The following PIK3AP1 variants were observed in gnomAD, a reference collection of about 807,000 sequenced individuals.
The protein encoded by PIK3AP1 is phosphoinositide-3-kinase adaptor protein 1, also known as phosphoinositide 3-kinase adapter protein 1.
In PIK3AP1, 21 loss-of-function variants were observed where a neutral mutation model predicts 88.1. The observed-to-expected ratio is 0.24, with a 90% CI of 0.17 to 0.34. The LOEUF is 0.34. PIK3AP1 is among the 10% of genes least tolerant of loss of function. PIK3AP1 has a pLI of 1.00. For missense variants in PIK3AP1, 828 were observed against 1,035.7 expected (o/e 0.80, Z 2.75); for synonymous variants, 398 against 400.0 (o/e 1.00, Z 0.06).
At chr10:96,689,971 G>A (rs1844129551) in intron 2 of PIK3AP1, among the ~76,000 whole-genome samples, 1 of 152,124 alleles carries the variant, frequency 6.6e-6, no homozygotes, top group African/African-American at 2.4e-5. Flanking sequence ...GCCATTCCAG[G>A]TGTCAGTGTT....
chr10:96,606,714 G>A (rs58305369), intron 14 of PIK3AP1, among the ~76,000 whole-genome samples: 30,872 of 152,146 alleles, frequency 0.2, 3,435 homozygotes, highest in Admixed American at 0.31. Flanking sequence ...AGCATCTAAC[G>A]CCATGCTACT....
intron 8 of PIK3AP1, among the ~76,000 whole-genome samples, chr10:96,634,391 C>G (rs1221691576): frequency 6.6e-6 from 1 of 152,180 alleles, no homozygotes; most frequent in Non-Finnish European, 1.5e-5. Flanking sequence ...CAGCTGAAAC[C>G]AGGCAATTAA....
intron 2 of PIK3AP1, chr10:96,700,722 G>T: frequency 1.3e-6 from 1 of 761,564 alleles, no homozygotes; most frequent in Non-Finnish European, 1.6e-6. Context: ...CACAATCGTT[G>T]CTTTCAAGAG....
In PIK3AP1 at chr10:96,652,769, G is replaced by T. The variant is rs750811451; in HGVS notation, c.641C>A (p.Pro214His). The change falls in exon 4 of 17, where the codon CCT becomes CAT. Residue 214 changes from proline (P) to histidine (H), a missense_variant. Physicochemically the swap from Pro to His is moderately conservative, Grantham distance 77. Around this residue, in one of 3 missense-constraint regions of PIK3AP1, gnomAD observed 610 missense variants for 760.1 expected, o/e 0.80. Coordinates refer to ENST00000339364, the MANE Select transcript of PIK3AP1 (RefSeq NM_152309.3). ...DRVATEAEFS[P>H]EDSPSVRMEA... ...CATCCTTACAGAGGGAGAATCCTCA[G>T]GAGAAAACTCTGCTTCTGTCGCCAC... 4 of 1,614,154 alleles carry T rather than the reference G, an allele frequency of 2.5e-6. No homozygotes were observed. Among genetic ancestry groups the T allele is most frequent in the Non-Finnish European group, 2.5e-6 (3 of 1,180,010 alleles).
intron 2 of PIK3AP1, among the ~76,000 whole-genome samples, chr10:96,678,162 AG>A (rs1843951075): frequency 6.6e-6 from 1 of 152,124 alleles, no homozygotes. Flanking sequence ...GGCTGGGCAC[AG>A]TGGTTCATGC....
chr10:96,708,107 G>A (rs1844388238), intron 2 of PIK3AP1, among the ~76,000 whole-genome samples: 1 of 152,154 alleles, frequency 6.6e-6, no homozygotes, highest in East Asian at 1.9e-4. Flanking sequence ...TGGCATAGGG[G>A]TGGGTGAGAC....
rs188721693 is a variant in PIK3AP1 at position 96,619,781 on chromosome 10, C to T, written c.1941+571G>A. Among the ~76,000 whole-genome samples the T allele has an allele frequency of 4.6e-5, 7 of 152,314 alleles. No homozygotes were observed. The East Asian group carries it at 1.4e-3, about 29-fold the overall frequency. ...ATCCCAGTCTTCTCCTGAGAGGTGG[C>T]CCCTGGAATGGGCCCGAAGTGGCCG... On this transcript the variant is annotated intron_variant, in intron 12 of 16. Transcript: ENST00000339364.
rs79319701 is a variant in PIK3AP1, at chr10:96,657,469, C to T, written c.431-535G>A. Among the ~76,000 whole-genome samples the T allele has an allele frequency of 4.5e-4, 69 of 152,312 alleles. No homozygotes were observed. In the Middle Eastern group the frequency reaches 0.01, roughly 23 times the overall value. On this transcript the variant is annotated intron_variant, in intron 2 of 16. Transcript: ENST00000339364. ...TTTAGATAAATCTAACCAGGCTCCACAGGCAACACCTGTACCACGGAAAGA... is the reference window on the plus strand; with the variant it reads ...TTTAGATAAATCTAACCAGGCTCCATAGGCAACACCTGTACCACGGAAAGA...
rs1158811189 is a variant in PIK3AP1, at chr10:96,602,469, C to A, written c.2242-71G>T. ...AACCAGCATAGCTGGACAACCGTAA[C>A]TCAAAAGCCCCTTGGTCCTCCTTAG... On this transcript the variant is annotated intron_variant, in intron 15 of 16. Transcript: ENST00000339364. 3.7e-6 allele frequency: 5 copies of A among 1,335,270 alleles called. No homozygotes were observed. The Admixed American group carries it at 6.9e-5, about 18-fold the overall frequency. The allele number at this position is 1,335,270 out of a possible 1,614,324, so 82.7% of individuals were successfully genotyped here. A position where few individuals can be genotyped will look rare whatever the true frequency, so the allele number is the denominator to read the frequency against.
Position 96,626,901 on chromosome 10 carries a change from G to T in PIK3AP1, c.1476C>A (p.Asn492Lys), listed in dbSNP as rs1564960362. The T allele has an allele frequency of 6.2e-7, 1 of 1,613,478 alleles. No individual in the cohort carries two copies. The highest frequency in any genetic ancestry group is 1.1e-5 in the South Asian group (1 of 91,070). ...TCTCCAGATTGGTCATTCCCATGCT[G>T]TTGCCTAGAAACGCAGAGAAAGGTG... Reference protein sequence around the residue: ...DSMIRKFLEGNSMGMTNLERD... With the variant: ...DSMIRKFLEGKSMGMTNLERD... The change falls in exon 10 of 17, where the codon AAC becomes AAA. Residue 492 changes from asparagine to lysine, a missense_variant. Asn to Lys is a moderately conservative substitution (Grantham distance 94, BLOSUM62 0). Transcript: ENST00000339364.
At chr10:96,658,546 C>T (rs1200338867) in intron 2 of PIK3AP1, among the ~76,000 whole-genome samples, 7 of 152,150 alleles carry the variant, frequency 4.6e-5, no homozygotes, top group Non-Finnish European at 2.9e-5. Context: ...CCCTGGCCTA[C>T]TCAGGCCAGC....
intron 2 of PIK3AP1, among the ~76,000 whole-genome samples, chr10:96,708,574 C>CAAAAAAAAAAAAAAAAAA (rs924470384): frequency 1.6e-4 from 2 of 12,828 alleles, no homozygotes; most frequent in Non-Finnish European, 3.8e-4. Flanking sequence ...GGATCTGTCT[C>CAAAAAAAAAAAAAAAAAA]AAAAAAAAAA....
At position 96,632,749 on chromosome 10, in the gene PIK3AP1, G is replaced by A. The variant is rs1589502076; in HGVS notation, c.1376-4256C>T. The A allele has an allele frequency of 2.8e-6, 3 of 1,059,888 alleles. No homozygotes were observed. In the South Asian group the frequency reaches 5.4e-5, roughly 19 times the overall value. The allele number at this position is 1,059,888 out of a possible 1,614,324, so 65.7% of individuals were successfully genotyped here. On this transcript the variant is annotated intron_variant, in intron 8 of 16. Transcript: ENST00000339364. ...GAGCCTCCCTGAGAGTGTCTCACAG[G>A]ATGATTAGAAGCGTGGGCATTAGGA...
At chr10:96,705,636 G>A (rs1844351461) in intron 2 of PIK3AP1, among the ~76,000 whole-genome samples, 1 of 140,740 alleles carries the variant, frequency 7.1e-6, no homozygotes, top group African/African-American at 2.7e-5. Flanking sequence ...AGGCTGGAAT[G>A]CAGTGGCTCA....
chr10:96,688,764 C>T (rs1156633209), intron 2 of PIK3AP1, among the ~76,000 whole-genome samples: 2 of 151,484 alleles, frequency 1.3e-5, no homozygotes, highest in Non-Finnish European at 2.9e-5. Context: ...TGCCACTGTA[C>T]TCCAGGCCTG....
At chr10:96,627,990 A>G (rs6584089) in intron 9 of PIK3AP1, among the ~76,000 whole-genome samples, 2,804 of 152,230 alleles carry the variant, frequency 0.018, 78 homozygotes, top group African/African-American at 0.062. Context: ...ATCTTTGTTT[A>G]TATTTGCCTC....
In PIK3AP1 at chr10:96,713,697, A is replaced by T. The variant is rs1325529784; in HGVS notation, c.14-3714T>A. On this transcript the variant is annotated intron_variant, in intron 1 of 16. Transcript: ENST00000339364. Reference sequence around the variant, plus strand: ...TCTAAAGACCACATGGCCATGAGTGATTACTCCAATTTTATAAGAAGAATT... The same window carrying T: ...TCTAAAGACCACATGGCCATGAGTGTTTACTCCAATTTTATAAGAAGAATT... Among the ~76,000 whole-genome samples the T allele has an allele frequency of 2.0e-5, 3 of 152,110 alleles. No homozygotes were observed. In the East Asian group the frequency reaches 5.8e-4, roughly 29 times the overall value.
chr10:96,719,947 G>C (rs1320907242), intron 1 of PIK3AP1, among the ~76,000 whole-genome samples: 1 of 152,214 alleles, frequency 6.6e-6, no homozygotes, highest in Non-Finnish European at 1.5e-5. Context: ...TGATCTCTCC[G>C]CACCACCTAG....
intron 8 of PIK3AP1, among the ~76,000 whole-genome samples, chr10:96,641,115 G>A (rs1310492991): frequency 8.1e-6 from 1 of 122,750 alleles, no homozygotes; most frequent in Admixed American, 7.5e-5. Context: ...GTGTGTGTGT[G>A]TGTGTGTGTG....
Sources: allele counts gnomAD v4.1 joint callset (sites outside exome capture counted in the v4.1 genomes callset), GRCh38; gene constraint gnomAD v4.1.1; regional missense constraint gnomAD v4.1.1; transcripts MANE v1.5; gene names NCBI Gene and HGNC (gene_info 2026-07-23, HGNC 2026-07-21).